WDR7: variants seen among roughly 807,000 people sequenced by gnomAD.
WDR7 encodes the protein WD repeat domain 7.
In WDR7, 46 loss-of-function variants were observed where a neutral mutation model predicts 169.4. That is an observed-to-expected ratio of 0.27 (90% CI 0.21 to 0.35). The LOEUF (loss-of-function observed/expected upper bound fraction) is 0.35, where lower values mean the gene tolerates loss of function less well. Ranked by LOEUF, WDR7 falls within the 10% of genes least tolerant of loss-of-function variation. The pLI is 1.00. For synonymous variants in WDR7, 612 were observed against 666.8 expected, an observed-to-expected ratio of 0.92 and a Z score of 1.27; for missense variants, 1,534 against 1,859.3, an observed-to-expected ratio of 0.83 and a Z score of 3.22.
At chr18:56,829,923 A>G (rs1352745072) in intron 20 of WDR7, among the ~76,000 whole-genome samples, 3 of 152,204 alleles carry the variant, frequency 2.0e-5, no homozygotes, top group Admixed American at 2.0e-4. Context: ...TTAAAGATAG[A>G]TAAGTCTAAA....
intron 12 of WDR7, among the ~76,000 whole-genome samples, chr18:56,708,137 G>A (rs891202142): frequency 6.6e-5 from 10 of 150,584 alleles, no homozygotes; most frequent in Admixed American, 4.0e-4. Context: ...AGGTTCAAGC[G>A]ATTCTTGTGC....
chr18:56,695,396 G>A (rs1218224703), intron 11 of WDR7, among the ~76,000 whole-genome samples, 198 bp downstream of exon 11: 1 of 152,116 alleles, frequency 6.6e-6, no homozygotes, highest in South Asian at 2.1e-4. Context: ...TGTAATGACT[G>A]TAAATAAAGA....
chr18:56,816,318 G>A (rs1461398871), intron 20 of WDR7, among the ~76,000 whole-genome samples, 174 bp downstream of exon 20: 2 of 152,186 alleles, frequency 1.3e-5, no homozygotes, highest in African/African-American at 4.8e-5. Context: ...GAGGTGAAAA[G>A]AAGTGGAACT....
At chr18:56,781,818 T>C (rs2044322521) in intron 19 of WDR7, 162 bp downstream of exon 19, 6 of 852,188 alleles carry the variant, frequency 7.0e-6, no homozygotes, top group Non-Finnish European at 1.6e-6. Context: ...TCTGAATCTC[T>C]GTAGTTTGGA....
chr18:56,997,012 A>G (rs1281880484), intron 26 of WDR7, among the ~76,000 whole-genome samples: 1 of 152,234 alleles, frequency 6.6e-6, no homozygotes, highest in Admixed American at 6.5e-5. Context: ...AAAGAATAAC[A>G]TATCTTAACC....
At chr18:56,686,110 C>A in intron 6 of WDR7, 78 bp downstream of exon 6, 1 of 1,174,660 alleles carries the variant, frequency 8.5e-7, no homozygotes, top group East Asian at 2.8e-5. Context: ...TATGCCCCTT[C>A]CATTTTTTTT....
intron 3 of WDR7, 71 bp downstream of exon 3, chr18:56,679,509 G>T: frequency 2.0e-6 from 2 of 1,025,036 alleles, no homozygotes; most frequent in Admixed American, 3.6e-5. Flanking sequence ...TGTAAGTAGC[G>T]AGGTATTTTT....
chr18:56,830,793 G>A (rs1281041005), intron 20 of WDR7, among the ~76,000 whole-genome samples: 4 of 152,184 alleles, frequency 2.6e-5, no homozygotes, highest in African/African-American at 9.7e-5. Flanking sequence ...TGCAACCTCT[G>A]TCTCCTGGGT....
intron 21 of WDR7, among the ~76,000 whole-genome samples, chr18:56,896,770 A>T: frequency 6.6e-6 from 1 of 151,942 alleles, no homozygotes; most frequent in South Asian, 2.1e-4. Flanking sequence ...ATGGGGAAAG[A>T]TTTCATAAAT....
Position 56,756,578 on chromosome 18 carries a change from T to C in WDR7, c.1990-5T>C, listed in dbSNP as rs2043893371. 6.4e-7 allele frequency: 1 copy of C among 1,561,072 alleles called. No homozygotes were observed. Among genetic ancestry groups the C allele is most frequent in the South Asian group, 1.2e-5 (1 of 82,196 alleles). ...ATAACTATCTTTTAAAAATATTTAT[T>C]ACAGGGAAATTTACCTAAATATTCT... On this transcript the variant is annotated splice_region_variant and splice_polypyrimidine_tract_variant and intron_variant, in intron 14 of 27. Coordinates refer to ENST00000254442, the MANE Select transcript of WDR7 (RefSeq NM_015285.3).
At chr18:56,747,470 C>T (rs1226178182) in intron 14 of WDR7, among the ~76,000 whole-genome samples, 1 of 152,148 alleles carries the variant, frequency 6.6e-6, no homozygotes, top group Non-Finnish European at 1.5e-5. Flanking sequence ...AAGCTAGGCC[C>T]CAAGCTACAA....
chr18:56,876,216 G>A (rs1392063548), intron 20 of WDR7, among the ~76,000 whole-genome samples: 1 of 151,970 alleles, frequency 6.6e-6, no homozygotes, highest in Non-Finnish European at 1.5e-5. Context: ...TTCTCGGTTG[G>A]CATACCGAGC....
chr18:56,879,633 G>T (rs1343842376), intron 20 of WDR7, among the ~76,000 whole-genome samples: 1 of 151,914 alleles, frequency 6.6e-6, no homozygotes, highest in Non-Finnish European at 1.5e-5. Flanking sequence ...TGGTGCTTTT[G>T]GTATCATATC....
rs180966470 is a variant in WDR7 at position 56,966,387 on chromosome 18, C to G, written c.4164+3858C>G. On this transcript the variant is annotated intron_variant, in intron 26 of 27. Coordinates refer to ENST00000254442, the MANE Select transcript of WDR7 (RefSeq NM_015285.3). The stretch of plus-strand genomic sequence containing the variant: ...CCTCTTCTTCATCCTCCTCCTCTGC[C>G]TATTCAACATGAAGTTGAGGAGGAT... Among the ~76,000 whole-genome samples, 285 of 152,144 alleles carry G rather than the reference C, an allele frequency of 1.9e-3. 1 individual carries two copies. The highest frequency in any genetic ancestry group is 2.8e-3 in the Non-Finnish European group (189 of 68,000).
intron 26 of WDR7, among the ~76,000 whole-genome samples, chr18:56,965,455 G>GC (rs1568290122): frequency 7.2e-6 from 1 of 138,458 alleles, no homozygotes; most frequent in East Asian, 2.1e-4. Context: ...TTTTTAATCT[G>GC]TTTTTTTTTT....
chr18:56,907,050 A>G (rs2046487864), intron 21 of WDR7, among the ~76,000 whole-genome samples: 1 of 152,134 alleles, frequency 6.6e-6, no homozygotes, highest in Non-Finnish European at 1.5e-5. Context: ...TCTGGGCCGG[A>G]TTATCTGTTA....
intron 26 of WDR7, among the ~76,000 whole-genome samples, chr18:56,985,065 C>T (rs190153457): frequency 7.9e-5 from 12 of 152,292 alleles, no homozygotes; most frequent in Admixed American, 7.8e-4. Context: ...CTTATTGCTA[C>T]TCAGCTCTGG....
intron 26 of WDR7, among the ~76,000 whole-genome samples, chr18:56,986,261 A>G (rs1487865189): frequency 2.6e-5 from 4 of 151,646 alleles, no homozygotes; most frequent in African/African-American, 7.3e-5. Context: ...GATATGTTCA[A>G]TGATTAGTAG....
At chr18:56,822,952 T>C (rs1042761449) in intron 20 of WDR7, among the ~76,000 whole-genome samples, 3 of 152,220 alleles carry the variant, frequency 2.0e-5, no homozygotes, top group African/African-American at 7.2e-5. Flanking sequence ...AGAAACCGTA[T>C]ATGAAAATAT....
Sources: gnomAD v4.1 joint callset for allele counts (sites outside exome capture counted in the v4.1 genomes callset) on GRCh38, gnomAD v4.1.1 for gene constraint, MANE v1.5 for transcripts, NCBI Gene and HGNC (gene_info 2026-07-23, HGNC 2026-07-21) for gene names.